The following MX2 variants were observed in gnomAD, a reference collection of about 807,000 sequenced individuals.
MX2 encodes interferon-induced GTP-binding protein Mx2.
MX2 carries 51 observed loss-of-function variants against 74.0 expected under a neutral mutation model. The ratio of observed to expected loss-of-function variants is 0.69; its 90% CI spans 0.55 to 0.87. The LOEUF (loss-of-function observed/expected upper bound fraction) is 0.87. MX2 is among the 40% of genes least tolerant of loss of function. The pLI is 0.00. For synonymous variants in MX2, 369 were observed against 339.3 expected (o/e 1.09, Z -0.96); for missense variants, 832 against 908.7 (o/e 0.92, Z 1.09).
chr21:41,372,499 T>A (rs1568931964), intron 1 of MX2, among the ~76,000 whole-genome samples: 1 of 152,348 alleles, frequency 6.6e-6, no homozygotes, highest in East Asian at 1.9e-4. Context: ...AGTTACTATT[T>A]TAGAACTCTT....
intron 12 of MX2, chr21:41,404,219 G>C (rs914723052): frequency 1.9e-5 from 3 of 153,932 alleles, no homozygotes; most frequent in Non-Finnish European, 4.3e-5. Context: ...CCCTTGGATA[G>C]ACACAGCCTT....
At position 41,369,675 on chromosome 21, in the gene MX2, T is replaced by TG. The variant is rs561635134; in HGVS notation, c.-71-7157dup. On this transcript the variant is annotated intron_variant, in intron 1 of 13. Coordinates refer to ENST00000330714, the MANE Select transcript of MX2 (RefSeq NM_002463.2). ...TGCTGCTCTGGGACTCTGGTGCCCC[T>TG]GGGGCCTTCCTGCAGGGCGCTCTCA... Among the ~76,000 whole-genome samples, 38 of 152,160 alleles carry TG rather than the reference T, an allele frequency of 2.5e-4. 1 individual carries two copies. In the South Asian group the frequency reaches 7.7e-3, roughly 31 times the overall value.
chr21:41,401,103 C>T (rs1568948939), intron 10 of MX2: 1 of 152,244 alleles, frequency 6.6e-6, no homozygotes, highest in African/African-American at 2.4e-5. Flanking sequence ...TCACCTCCCA[C>T]CAGGTTGCTC....
intron 12 of MX2, chr21:41,403,574 G>A (rs181990440): frequency 2.9e-5 from 21 of 732,162 alleles, no homozygotes; most frequent in South Asian, 8.2e-5. Flanking sequence ...AATGCGGCCC[G>A]TGCCCTGCCA....
intron 3 of MX2, among the ~76,000 whole-genome samples, chr21:41,378,461 T>C (rs1016783251): frequency 2.0e-5 from 3 of 152,244 alleles, no homozygotes; most frequent in African/African-American, 7.2e-5. Context: ...CACCTCTTCC[T>C]AGTGGTCTTT....
chr21:41,387,003 A>G (rs1367746790), intron 5 of MX2, among the ~76,000 whole-genome samples: 1 of 152,210 alleles, frequency 6.6e-6, no homozygotes, highest in Non-Finnish European at 1.5e-5. Context: ...CAGAACAACA[A>G]CAACAACAAA....
intron 4 of MX2, among the ~76,000 whole-genome samples, chr21:41,381,474 A>G (rs1298799372): frequency 6.6e-6 from 1 of 152,288 alleles, no homozygotes; most frequent in East Asian, 1.9e-4. Flanking sequence ...TCACGAGGTT[A>G]GGAGATCAAG....
Position 41,374,436 on chromosome 21 carries a change from C to T in MX2, c.-71-2400C>T, listed in dbSNP as rs80106930. 2.1e-3 allele frequency among the ~76,000 whole-genome samples: 317 copies of T among 152,344 alleles called. 2 individuals are homozygous for T. Among genetic ancestry groups the T allele is most frequent in the African/African-American group, 7.1e-3 (296 of 41,584 alleles). On this transcript the variant is annotated intron_variant, in intron 1 of 13. Transcript: ENST00000330714. ...AGGCTTGTGCATGGCTTTGGGATCC[C>T]GGGCGGCAGGAGTAGGGTCTGGGCT...
At chr21:41,399,775 T>A (rs1437632603) in intron 10 of MX2, 1 of 157,512 alleles carries the variant, frequency 6.3e-6, no homozygotes. Flanking sequence ...CCACCATTGC[T>A]CAGGCTGCTC....
At chr21:41,393,200 G>A (rs2145933266) in intron 6 of MX2, among the ~76,000 whole-genome samples, 1 of 150,092 alleles carries the variant, frequency 6.7e-6, no homozygotes, top group East Asian at 2.0e-4. Flanking sequence ...TGAGAATAGA[G>A]CAAATTTGAT....
At chr21:41,379,899 G>A in intron 3 of MX2, 118 bp from the exon 4 acceptor site, 5 of 1,333,584 alleles carry the variant, frequency 3.7e-6, no homozygotes, top group South Asian at 2.7e-5. Flanking sequence ...AGGCCCCAGG[G>A]AGAGCCAGAA....
intron 1 of MX2, among the ~76,000 whole-genome samples, chr21:41,375,091 C>T (rs1043303707): frequency 1.3e-5 from 2 of 152,224 alleles, no homozygotes; most frequent in African/African-American, 2.4e-5. Context: ...GTCCCCACTT[C>T]CTCCAAGCCT....
At chr21:41,390,776 C>T (rs374914879) in intron 6 of MX2, 73 bp downstream of exon 6, 18 of 1,533,066 alleles carry the variant, frequency 1.2e-5, no homozygotes, top group East Asian at 9.2e-5. Context: ...GAGGCCAAGA[C>T]GGGCGGATCA....
intron 2 of MX2, 39 bp from the exon 3 acceptor site, chr21:41,377,750 C>T: frequency 6.4e-7 from 1 of 1,566,960 alleles, no homozygotes. Flanking sequence ...GGGACCCTAT[C>T]AGGGGTCAAG....
Position 41,388,955 on chromosome 21 carries a change from G to A in MX2, c.733-1610G>A, listed in dbSNP as rs949964304. 6.6e-6 allele frequency among the ~76,000 whole-genome samples: 1 copy of A among 152,088 alleles called. No homozygotes were observed. Reference sequence around the variant, plus strand: ...TCTGCTGGACAGCTTACAATGCCTAGGATGGCCACCATGGCAGAGTCATCC... The same window carrying A: ...TCTGCTGGACAGCTTACAATGCCTAAGATGGCCACCATGGCAGAGTCATCC... On this transcript the variant is annotated intron_variant, in intron 5 of 13. Transcript: ENST00000330714. This position sits in a 1 kb window ranked among gnomAD's most constrained non-coding sequence, Gnocchi z 4.0.
At chr21:41,394,263 C>G (rs1160842721) in intron 6 of MX2, among the ~76,000 whole-genome samples, 1 of 128,452 alleles carries the variant, frequency 7.8e-6, no homozygotes, top group Non-Finnish European at 1.5e-5. Context: ...CCCTGCCTGC[C>G]TCTCTGATCT....
intron 12 of MX2, among the ~76,000 whole-genome samples, chr21:41,406,520 G>T (rs967208535): frequency 1.3e-5 from 2 of 152,204 alleles, no homozygotes; most frequent in African/African-American, 4.8e-5. Flanking sequence ...GGAAGAAAGG[G>T]CAGGAGAGAA....
chr21:41,390,306 T>C, intron 5 of MX2: 1 of 443,344 alleles, frequency 2.3e-6, no homozygotes, highest in Non-Finnish European at 4.2e-6. Flanking sequence ...GGGGTTGTAC[T>C]TGGTTGCAGG....
At chr21:41,372,929 C>T (rs1005711523) in intron 1 of MX2, 6 of 152,160 alleles carry the variant, frequency 3.9e-5, no homozygotes, top group Non-Finnish European at 5.9e-5. Context: ...TTTTTTCCTC[C>T]ACAGCCTTTA....
Sources: allele counts gnomAD v4.1 joint callset (sites outside exome capture counted in the v4.1 genomes callset), GRCh38; gene constraint gnomAD v4.1.1; non-coding constraint Gnocchi (gnomAD v3.1); transcripts MANE v1.5; gene names NCBI Gene and HGNC (gene_info 2026-07-23, HGNC 2026-07-21).